Variants in PTPRE observed in about 807,000 individuals in gnomAD.
PTPRE encodes protein tyrosine phosphatase receptor type E.
In PTPRE, 51 loss-of-function variants were observed where a neutral mutation model predicts 102.0. That is an observed-to-expected ratio of 0.50 (90% CI 0.40 to 0.63). PTPRE has a LOEUF of 0.63. PTPRE is among the 30% of genes least tolerant of loss of function. The pLI is 0.00. For synonymous variants in PTPRE, 345 were observed against 348.2 expected, an observed-to-expected ratio of 0.99 and a Z score of 0.10; for missense variants, 752 against 915.1, an observed-to-expected ratio of 0.82 and a Z score of 2.30.
chr10:128,082,210 T>C (rs1208472017), intron 20 of PTPRE, among the ~76,000 whole-genome samples: 3,075 of 136,138 alleles, frequency 0.023, 397 homozygotes, highest in African/African-American at 0.081. Context: ...TTTTTTTTTT[T>C]TTTTTTTTTT....
chr10:127,984,813 C>T (rs1029623907), intron 2 of PTPRE, among the ~76,000 whole-genome samples: 5 of 152,194 alleles, frequency 3.3e-5, no homozygotes, highest in African/African-American at 1.2e-4. Context: ...GAGGCCTCCC[C>T]AGCCATGTGG....
chr10:128,079,339 G>C (rs1851501454), intron 19 of PTPRE, among the ~76,000 whole-genome samples: 1 of 152,084 alleles, frequency 6.6e-6, no homozygotes, highest in Admixed American at 6.5e-5. Context: ...TAAAATATCG[G>C]TCTCCTGTAA....
At chr10:128,012,121 G>C (rs533252829) in intron 2 of PTPRE, among the ~76,000 whole-genome samples, 1 of 149,406 alleles carries the variant, frequency 6.7e-6, no homozygotes, top group African/African-American at 2.5e-5. Context: ...TTGTGAGCCC[G>C]GGTGTGAACC....
chr10:128,056,322 A>C (rs764689719), intron 7 of PTPRE, 109 bp downstream of exon 7: 2 of 879,070 alleles, frequency 2.3e-6, no homozygotes, highest in South Asian at 1.5e-5. Flanking sequence ...AGAGGCCCCA[A>C]ATCAGTCTAA....
chr10:128,047,583 C>A lies in PTPRE; in HGVS notation c.209+94C>A. ...TGGGCGTGGGCTGTGCAGCAGAGGGCAGCTGAGAGGCTGGGTGGCTGGGCC... is the reference window on the plus strand; with the variant it reads ...TGGGCGTGGGCTGTGCAGCAGAGGGAAGCTGAGAGGCTGGGTGGCTGGGCC... On this transcript the variant is annotated intron_variant, in intron 4 of 20. Transcript: ENST00000254667. The A allele has an allele frequency of 2.5e-6, 4 of 1,612,050 alleles. No homozygotes were observed. The East Asian group carries it at 8.9e-5, about 36-fold the overall frequency.
chr10:128,058,529 A>T (rs367567830), intron 7 of PTPRE, among the ~76,000 whole-genome samples: 24 of 152,300 alleles, frequency 1.6e-4, no homozygotes, highest in East Asian at 1.4e-3. Flanking sequence ...GGGTGGAAAG[A>T]TGGGTTTACA....
chr10:128,070,571 G>C lies in PTPRE; in HGVS notation c.1293+121G>C. On this transcript the variant is annotated intron_variant, in intron 14 of 20. Transcript: ENST00000254667. The surrounding 1 kb of genome is among the most constrained non-coding windows in gnomAD (Gnocchi z 4.8). ...TGCCCCTTAACTGACCTCAGAAAAAGCAGGGGCAATACCTGAGCCATGATT... is the reference window on the plus strand; with the variant it reads ...TGCCCCTTAACTGACCTCAGAAAAACCAGGGGCAATACCTGAGCCATGATT... The C allele has an allele frequency of 7.4e-7, 1 of 1,352,376 alleles. No homozygotes were observed. The highest frequency in any genetic ancestry group is 9.9e-7 in the Non-Finnish European group (1 of 1,007,082). The allele number at this position is 1,352,376 out of a possible 1,614,324, so 83.8% of individuals were successfully genotyped here.
rs1305069181 is a variant in PTPRE, at chr10:128,072,159, T to C, written c.1409T>C (p.Leu470Pro). The change falls in exon 16 of 21, where the codon CTT becomes CCT. Residue 470 changes from leucine to proline, a missense_variant. Leu to Pro is a moderately conservative substitution (Grantham distance 98). Coordinates refer to ENST00000254667, the MANE Select transcript of PTPRE (RefSeq NM_006504.6). ...IIPYDFNRVILSMKRGQEYTD... is the reference protein window; with the variant it reads ...IIPYDFNRVIPSMKRGQEYTD... ...GCAGATGACTTCAACCGAGTGATCCTTTCCATGAAAAGGGGTCAAGAATAC... is the reference window on the plus strand; with the variant it reads ...GCAGATGACTTCAACCGAGTGATCCCTTCCATGAAAAGGGGTCAAGAATAC... The C allele has an allele frequency of 6.2e-7, 1 of 1,613,932 alleles. No individual in the cohort carries two copies. Among genetic ancestry groups the C allele is most frequent in the Non-Finnish European group, 8.5e-7 (1 of 1,179,972 alleles).
intron 1 of PTPRE, among the ~76,000 whole-genome samples, chr10:127,956,282 G>A (rs1345649185): frequency 6.6e-6 from 1 of 152,110 alleles, no homozygotes; most frequent in Non-Finnish European, 1.5e-5. Flanking sequence ...TATTTCCAGA[G>A]GAGATTAGCA....
At chr10:128,059,679 C>T (rs1179128366) in intron 7 of PTPRE, among the ~76,000 whole-genome samples, 5 of 152,280 alleles carry the variant, frequency 3.3e-5, no homozygotes, top group South Asian at 2.1e-4. Context: ...CCGAGCCGGA[C>T]GTTCCTGGGA....
At chr10:128,005,470 G>C (rs1010518449) in intron 2 of PTPRE, among the ~76,000 whole-genome samples, 14 of 152,320 alleles carry the variant, frequency 9.2e-5, no homozygotes, top group African/African-American at 2.6e-4. Flanking sequence ...TTCATAGTCT[G>C]TCTTCCCCAT....
intron 1 of PTPRE, among the ~76,000 whole-genome samples, chr10:127,908,304 A>G (rs1845631560): frequency 6.6e-6 from 1 of 152,108 alleles, no homozygotes; most frequent in Admixed American, 6.5e-5. Flanking sequence ...TACTGTGTCC[A>G]TGTCCAGTCA....
intron 2 of PTPRE, among the ~76,000 whole-genome samples, chr10:127,982,718 T>G (rs1052725181): frequency 7.9e-5 from 12 of 152,178 alleles, no homozygotes; most frequent in African/African-American, 2.9e-4. Flanking sequence ...CTTAAATTGA[T>G]CTGCTCTAGA....
intron 1 of PTPRE, among the ~76,000 whole-genome samples, chr10:127,919,734 C>T (rs181160095): frequency 2.6e-4 from 39 of 152,278 alleles, no homozygotes; most frequent in African/African-American, 4.8e-4. Flanking sequence ...GTGTGGTTTC[C>T]GCCTGGCAAA....
chr10:128,022,832 A>ACTT (rs1846009863), intron 2 of PTPRE, among the ~76,000 whole-genome samples: 1 of 152,212 alleles, frequency 6.6e-6, no homozygotes, highest in African/African-American at 2.4e-5. Context: ...AAGGGCCAGG[A>ACTT]GATGACGGTC....
intron 1 of PTPRE, among the ~76,000 whole-genome samples, chr10:127,959,102 G>T (rs1849610966): frequency 6.6e-6 from 1 of 152,108 alleles, no homozygotes; most frequent in African/African-American, 2.4e-5. Flanking sequence ...CTCCATGTTG[G>T]TCAGGCTGGT....
intron 1 of PTPRE, among the ~76,000 whole-genome samples, chr10:127,910,235 T>A (rs1349531827): frequency 3.9e-5 from 6 of 152,194 alleles, no homozygotes; most frequent in Admixed American, 1.3e-4. Context: ...AATGGCTTTG[T>A]CTTCCATAAA....
chr10:128,066,358 C>A (rs1199156009), intron 11 of PTPRE, among the ~76,000 whole-genome samples, 164 bp downstream of exon 11: 2 of 152,222 alleles, frequency 1.3e-5, no homozygotes, highest in Non-Finnish European at 2.9e-5. Context: ...GGCAGACATG[C>A]AAGAGGGCCA....
At chr10:127,915,219 G>T (rs1192040215) in intron 1 of PTPRE, among the ~76,000 whole-genome samples, 1 of 152,132 alleles carries the variant, frequency 6.6e-6, no homozygotes, top group Non-Finnish European at 1.5e-5. Context: ...ATCAAAAAAA[G>T]AAACTTCTGT....
Sources: gnomAD v4.1 joint callset for allele counts (sites outside exome capture counted in the v4.1 genomes callset) on GRCh38, gnomAD v4.1.1 for gene constraint, Gnocchi (gnomAD v3.1) non-coding constraint, MANE v1.5 for transcripts, NCBI Gene and HGNC (gene_info 2026-07-23, HGNC 2026-07-21) for gene names.